Variants in LPP observed in about 807,000 individuals in gnomAD.
The protein encoded by LPP is LIM domain containing preferred translocation partner in lipoma, also known as lipoma-preferred partner.
Under a neutral mutation model 60.4 loss-of-function variants are expected in LPP, and 38 were observed. That is an observed-to-expected ratio of 0.63 (90% CI 0.49 to 0.83). The LOEUF is 0.83. Among genes scored for constraint, LPP ranks in the 40% least tolerant of loss-of-function variants. The pLI, the probability that LPP is intolerant of heterozygous loss-of-function variation, is 0.00. For missense variants in LPP, 902 were observed against 783.6 expected (o/e 1.15, Z -1.80); for synonymous variants, 328 against 290.8 (o/e 1.13, Z -1.30).
At chr3:188,304,543 T>G (rs1053072926) in intron 2 of LPP, among the ~76,000 whole-genome samples, 2 of 152,206 alleles carry the variant, frequency 1.3e-5, no homozygotes, top group African/African-American at 4.8e-5. Context: ...CTCATATACC[T>G]CTTGTGTACT....
intron 7 of LPP, among the ~76,000 whole-genome samples, chr3:188,621,266 A>G (rs1407014533): frequency 6.6e-6 from 1 of 152,012 alleles, no homozygotes; most frequent in African/African-American, 2.4e-5. Context: ...GGGTAATTGG[A>G]CCCAGGTGGT....
intron 2 of LPP, among the ~76,000 whole-genome samples, chr3:188,261,587 A>G (rs1311772436): frequency 6.6e-6 from 1 of 152,146 alleles, no homozygotes; most frequent in Non-Finnish European, 1.5e-5. Context: ...TTTAAATCAT[A>G]TATAGCTTCA....
Position 188,407,780 on chromosome 3 carries a change from G to GTTTTTTTTTTTT in LPP, c.193+1470_193+1471insTTTTTTTTTTTT, listed in dbSNP as rs1268002703. ...TTCCTCATTTATGGTTTTTTTTTTT[G>GTTTTTTTTTTTT]TTTGTTTGTTTTTTTTTTTTTTTTT... On this transcript the variant is annotated intron_variant, in intron 4 of 11. Coordinates refer to ENST00000617246, the MANE Select transcript of LPP (RefSeq NM_001375462.1). Among the ~76,000 whole-genome samples, 310 of 94,884 alleles carry GTTTTTTTTTTTT rather than the reference G, an allele frequency of 3.3e-3. 13 individuals are homozygous for GTTTTTTTTTTTT. Among genetic ancestry groups the GTTTTTTTTTTTT allele is most frequent in the African/African-American group, 7.2e-3 (171 of 23,706 alleles). 62.2% of individuals were successfully genotyped at this position (94,884 alleles called of 152,430 possible).
At chr3:188,407,327 T>A (rs1366966322) in intron 4 of LPP, among the ~76,000 whole-genome samples, 1 of 152,210 alleles carries the variant, frequency 6.6e-6, no homozygotes, top group Non-Finnish European at 1.5e-5. Flanking sequence ...TCCTGTCCTC[T>A]CCTGCGCCCA....
At chr3:188,753,864 T>C (rs1729093012) in intron 8 of LPP, among the ~76,000 whole-genome samples, 2 of 152,212 alleles carry the variant, frequency 1.3e-5, no homozygotes, top group South Asian at 4.1e-4. Context: ...ACTAGCCACG[T>C]ACCTGTTGAA....
intron 2 of LPP, among the ~76,000 whole-genome samples, chr3:188,276,968 A>G (rs950229718): frequency 9.8e-5 from 12 of 122,402 alleles, no homozygotes; most frequent in Non-Finnish European, 1.9e-4. Flanking sequence ...TAGTGGCATG[A>G]TCTTAGCTGA....
At chr3:188,753,710 T>C (rs1728948396) in intron 8 of LPP, among the ~76,000 whole-genome samples, 1 of 152,198 alleles carries the variant, frequency 6.6e-6, no homozygotes, top group Admixed American at 6.5e-5. Context: ...GAAACTGTTT[T>C]GTGTCTACCA....
intron 2 of LPP, among the ~76,000 whole-genome samples, chr3:188,298,251 C>A (rs2150117341): frequency 6.6e-6 from 1 of 152,266 alleles, no homozygotes; most frequent in South Asian, 2.1e-4. Flanking sequence ...CTTCTCTTTT[C>A]TTGGGAACAG....
chr3:188,620,922 T>C (rs563078779), intron 7 of LPP, among the ~76,000 whole-genome samples: 2 of 152,302 alleles, frequency 1.3e-5, no homozygotes, highest in African/African-American at 4.8e-5. Flanking sequence ...GTACATTGCA[T>C]GTATCAGGCA....
At chr3:188,189,961 G>A (rs533081572) in intron 1 of LPP, among the ~76,000 whole-genome samples, 4 of 151,926 alleles carry the variant, frequency 2.6e-5, no homozygotes, top group East Asian at 3.9e-4. Context: ...GAGCAGGCAC[G>A]TATTGGGTGC....
intron 5 of LPP, among the ~76,000 whole-genome samples, chr3:188,521,498 G>A (rs1411746231): frequency 6.6e-6 from 1 of 152,140 alleles, no homozygotes; most frequent in Non-Finnish European, 1.5e-5. Flanking sequence ...AAGTACAGAT[G>A]TAGAAGACCT....
intron 2 of LPP, among the ~76,000 whole-genome samples, chr3:188,270,695 T>C (rs1737453472): frequency 6.6e-6 from 1 of 152,252 alleles, no homozygotes. Context: ...GGACCCTTGC[T>C]GGTTTCCATC....
chr3:188,700,416 G>C (rs991541118), intron 7 of LPP, among the ~76,000 whole-genome samples: 1 of 152,166 alleles, frequency 6.6e-6, no homozygotes, highest in African/African-American at 2.4e-5. Flanking sequence ...TGGATCCTTA[G>C]CACACAGGTT....
rs529515119 is a variant in LPP, at chr3:188,263,127, G to A, written c.-67+37600G>A. 1.6e-4 allele frequency among the ~76,000 whole-genome samples: 24 copies of A among 152,146 alleles called. No homozygotes were observed. In the South Asian group the frequency reaches 4.4e-3, roughly 28 times the overall value. On this transcript the variant is annotated intron_variant, in intron 2 of 11. Transcript: ENST00000617246. ...CATGCCATCCCTCCATGGAATCCTC[G>A]GCCCGGAAATCAGATGGGAACAAAC...
intron 7 of LPP, among the ~76,000 whole-genome samples, chr3:188,702,340 CT>C (rs111321221): frequency 0.017 from 2,027 of 118,858 alleles, 45 homozygotes; most frequent in African/African-American, 0.048. Flanking sequence ...TCTTCTTCTT[CT>C]TTTTTTTTTT....
chr3:188,561,868 G>T (rs1461942045), intron 6 of LPP, among the ~76,000 whole-genome samples: 2 of 152,018 alleles, frequency 1.3e-5, no homozygotes, highest in Non-Finnish European at 2.9e-5. Flanking sequence ...CATTCCAGAA[G>T]AGGAAACTGT....
intron 4 of LPP, among the ~76,000 whole-genome samples, chr3:188,464,136 G>A (rs1799787326): frequency 6.6e-6 from 1 of 152,170 alleles, no homozygotes; most frequent in South Asian, 2.1e-4. Flanking sequence ...TTAATCTACA[G>A]TGTTTAATAG....
At chr3:188,747,476 A>G (rs1460195163) in intron 8 of LPP, among the ~76,000 whole-genome samples, 1 of 152,214 alleles carries the variant, frequency 6.6e-6, no homozygotes, top group Non-Finnish European at 1.5e-5. Flanking sequence ...GAAAAACGAG[A>G]GGAGAAAAGT....
intron 7 of LPP, 73 bp from the exon 8 acceptor site, chr3:188,708,194 G>C: frequency 1.3e-6 from 2 of 1,561,762 alleles, no homozygotes; most frequent in South Asian, 2.3e-5. Flanking sequence ...TGCAATCGCT[G>C]CTTGTTTAGG....
Sources: gnomAD v4.1 joint callset for allele counts (sites outside exome capture counted in the v4.1 genomes callset) on GRCh38, gnomAD v4.1.1 for gene constraint, MANE v1.5 for transcripts, NCBI Gene and HGNC (gene_info 2026-07-23, HGNC 2026-07-21) for gene names.